The following TUSC3 variants were observed in gnomAD, a reference collection of about 807,000 sequenced individuals.
TUSC3 encodes the protein dolichyl-diphosphooligosaccharide--protein glycosyltransferase subunit TUSC3.
Under a neutral mutation model 44.8 loss-of-function variants are expected in TUSC3, and 45 were observed. The ratio of observed to expected loss-of-function variants is 1.00; its 90% CI spans 0.79 to 1.29. TUSC3 has a LOEUF of 1.29. Ranked by LOEUF, TUSC3 falls within the 50% of genes most tolerant of loss-of-function variation. TUSC3 has a pLI of 0.00. For synonymous variants in TUSC3, 212 were observed against 152.9 expected, an observed-to-expected ratio of 1.39 and a Z score of -2.85; for missense variants, 519 against 437.9, an observed-to-expected ratio of 1.19 and a Z score of -1.65.
At chr8:15,561,344 G>A (rs186409451) in intron 1 of TUSC3, among the ~76,000 whole-genome samples, 2 of 145,546 alleles carry the variant, frequency 1.4e-5, no homozygotes, top group Admixed American at 6.9e-5. Flanking sequence ...ACCCACTTGA[G>A]GAGGCAGTCT....
At chr8:15,497,888 A>G (rs1424344366) in intron 2 of TUSC3, among the ~76,000 whole-genome samples, 1 of 151,760 alleles carries the variant, frequency 6.6e-6, no homozygotes, top group Non-Finnish European at 1.5e-5. Flanking sequence ...GGGATTCTGT[A>G]ATCTCTCCTG....
intron 1 of TUSC3, among the ~76,000 whole-genome samples, chr8:15,554,779 G>A (rs886247972): frequency 8.1e-5 from 12 of 148,688 alleles, no homozygotes; most frequent in Admixed American, 7.4e-4. Context: ...TTTTTTTTTT[G>A]TATTTTTAGT....
intron 1 of TUSC3, among the ~76,000 whole-genome samples, chr8:15,554,044 C>G (rs1194230410): frequency 6.6e-6 from 1 of 151,560 alleles, no homozygotes; most frequent in African/African-American, 2.4e-5. Flanking sequence ...AAGGTGACCT[C>G]AGATCCGTGT....
chr8:15,652,475 T>G (rs775797804), intron 3 of TUSC3, among the ~76,000 whole-genome samples: 20 of 152,224 alleles, frequency 1.3e-4, no homozygotes, highest in Non-Finnish European at 2.6e-4. Flanking sequence ...GCAAATAGTT[T>G]TGCTCCTATG....
In TUSC3 at chr8:15,677,715, G is replaced by C. The variant is rs113194161; in HGVS notation, c.798+3879G>C. ...GGAAGGTGGTGTCAGACAGAGCCAG[G>C]TTCTATGACACATAGCTACCAGGGC... On this transcript the variant is annotated intron_variant, in intron 6 of 10. Coordinates refer to ENST00000503731, the MANE Select transcript of TUSC3 (RefSeq NM_006765.4). Among the ~76,000 whole-genome samples the C allele has an allele frequency of 3.2e-3, 488 of 152,284 alleles. 1 individual carries two copies. The highest frequency in any genetic ancestry group is 0.011 in the African/African-American group (469 of 41,566).
At chr8:15,768,121 C>G (rs2129226826), downstream of TUSC3, among the ~76,000 whole-genome samples, 1 of 151,892 alleles carries the variant, frequency 6.6e-6, no homozygotes, top group East Asian at 2.0e-4. Context: ...AATAGAGAAC[C>G]TGTCTGTAAA....
At chr8:15,838,851 G>C in the TUSC3 span, among the ~76,000 whole-genome samples, 1 of 152,064 alleles carries the variant, frequency 6.6e-6, no homozygotes, top group Admixed American at 6.6e-5. Context: ...CTCTTTTTTG[G>C]TTCCATATGA....
intron 1 of TUSC3, among the ~76,000 whole-genome samples, chr8:15,461,473 C>T (rs1042547085): frequency 2.0e-5 from 3 of 152,026 alleles, no homozygotes; most frequent in African/African-American, 7.2e-5. Flanking sequence ...ATCATATCAT[C>T]AGCAAACAGT....
At position 15,659,637 on chromosome 8, in the gene TUSC3, C is replaced by T. The variant is rs768790010; in HGVS notation, c.557C>T (p.Thr186Met). ...CTAGCAAAGTGGATTGCTGACAGAA[C>T]GGATGTTCATGTATGTTTTTATTCC... ...EQLAKWIADR[T>M]DVHIRVFRPP... Residue 186 changes from threonine (T) to methionine (M), a missense_variant, in exon 4 of 11, where the codon ACG (threonine) becomes ATG (methionine). Thr to Met is a moderately conservative substitution (Grantham distance 81). Coordinates refer to ENST00000503731, the MANE Select transcript of TUSC3 (RefSeq NM_006765.4). 29 of 1,612,656 alleles carry T rather than the reference C, an allele frequency of 1.8e-5. No homozygotes were observed. Among genetic ancestry groups the T allele is most frequent in the Admixed American group, 8.3e-5 (5 of 59,960 alleles).
chr8:15,793,035 C>T, the TUSC3 span, among the ~76,000 whole-genome samples: 1,394 of 152,166 alleles, frequency 9.2e-3, 20 homozygotes, highest in African/African-American at 0.031. Flanking sequence ...TGTTTCTCTT[C>T]TCCCAACAAC....
At chr8:15,777,426 C>T in the TUSC3 span, among the ~76,000 whole-genome samples, 1 of 152,048 alleles carries the variant, frequency 6.6e-6, no homozygotes. Flanking sequence ...TGCCAAAGCT[C>T]AAAAATTACT....
the TUSC3 span, among the ~76,000 whole-genome samples, chr8:15,781,569 A>G: frequency 1.3e-5 from 2 of 152,218 alleles, no homozygotes; most frequent in Admixed American, 1.3e-4. Flanking sequence ...AGGAAGTGGG[A>G]TGATAAAAGA....
chr8:15,686,498 T>A (rs1270716091), intron 6 of TUSC3, among the ~76,000 whole-genome samples: 1 of 152,154 alleles, frequency 6.6e-6, no homozygotes, highest in Admixed American at 6.5e-5. Context: ...GGCATTTTTT[T>A]TTTCTATTTC....
intron 9 of TUSC3, among the ~76,000 whole-genome samples, chr8:15,750,126 C>G (rs11203717): frequency 0.17 from 25,301 of 150,874 alleles, 2,161 homozygotes; most frequent in East Asian, 0.23. Context: ...ACTACGGGTG[C>G]CCGCCACCAT....
intron 9 of TUSC3, among the ~76,000 whole-genome samples, chr8:15,749,233 G>A (rs1811584177): frequency 6.6e-6 from 1 of 152,042 alleles, no homozygotes; most frequent in African/African-American, 2.4e-5. Flanking sequence ...CTCTGGTTAG[G>A]TAGTAGAACC....
intron 7 of TUSC3, among the ~76,000 whole-genome samples, chr8:15,735,072 C>G (rs1165193053): frequency 6.6e-6 from 1 of 152,068 alleles, no homozygotes; most frequent in East Asian, 1.9e-4. Context: ...ATAAATTTGG[C>G]TGTGGAAAGG....
chr8:15,490,500 G>A (rs980239417), intron 2 of TUSC3, among the ~76,000 whole-genome samples: 9 of 152,148 alleles, frequency 5.9e-5, no homozygotes, highest in South Asian at 2.1e-4. Context: ...GCCTGCTGAC[G>A]TTGAGGTTTG....
At chr8:15,842,559 G>A in the TUSC3 span, among the ~76,000 whole-genome samples, 1 of 152,280 alleles carries the variant, frequency 6.6e-6, no homozygotes, top group South Asian at 2.1e-4. Flanking sequence ...CCTCCATGGA[G>A]CAAAATGATG....
intron 1 of TUSC3, among the ~76,000 whole-genome samples, chr8:15,551,380 A>G (rs771886859): frequency 6.6e-6 from 1 of 151,768 alleles, no homozygotes; most frequent in Non-Finnish European, 1.5e-5. Flanking sequence ...TTGACTCATG[A>G]TAACAGTCTT....
Sources: gnomAD v4.1 joint callset for allele counts (sites outside exome capture counted in the v4.1 genomes callset) on GRCh38, gnomAD v4.1.1 for gene constraint, MANE v1.5 for transcripts, NCBI Gene and HGNC (gene_info 2026-07-23, HGNC 2026-07-21) for gene names.